The following DOCK6 variants were observed in gnomAD, a reference collection of about 807,000 sequenced individuals.
DOCK6 encodes dedicator of cytokinesis 6.
Under a neutral mutation model 230.3 loss-of-function variants are expected in DOCK6, and 167 were observed. The ratio of observed to expected loss-of-function variants is 0.73; its 90% confidence interval spans 0.64 to 0.82. The LOEUF (loss-of-function observed/expected upper bound fraction) is 0.82, where lower values mean the gene tolerates loss of function less well. DOCK6 is among the 40% of genes least tolerant of loss of function. DOCK6 has a pLI of 0.00. For missense variants in DOCK6, 2,598 were observed against 2,825.8 expected, an observed-to-expected ratio of 0.92 and a Z score of 1.83; for synonymous variants, 1,148 against 1,185.0, an observed-to-expected ratio of 0.97 and a Z score of 0.64.
chr19:11,204,144 G>A, intron 40 of DOCK6, 49 bp from the exon 41 acceptor site: 1 of 286,058 alleles, frequency 3.5e-6, no homozygotes. Context: ...GGGATGAGGA[G>A]TGGGGATGAG....
In DOCK6 at chr19:11,201,856, C is replaced by A; in HGVS notation, c.5688+33G>T. The A allele has an allele frequency of 6.7e-7, 1 of 1,502,272 alleles. No homozygotes were observed. Among genetic ancestry groups the A allele is most frequent in the South Asian group, 1.2e-5 (1 of 82,498 alleles). The allele number at this position is 1,502,272 out of a possible 1,614,324, so 93.1% of individuals were successfully genotyped here. A position where few individuals can be genotyped will look rare whatever the true frequency, so the allele number is the denominator to read the frequency against. ...CCAGGGTCTGATGTCCCCTCACCTC[C>A]CCACCCCCGCCAGGCCCAGGATCCC... is the stretch of plus-strand genomic sequence containing the variant. On this transcript the variant is annotated intron_variant, in intron 44 of 47. Coordinates refer to ENST00000294618, the MANE Select transcript of DOCK6 (RefSeq NM_020812.4). The surrounding 1 kb of genome is among the most constrained non-coding windows in gnomAD (Gnocchi z 4.3).
chr19:11,208,677 A>G lies in DOCK6; in HGVS notation c.5088+9T>C, dbSNP rs976205334. 3 of 1,607,378 alleles carry G rather than the reference A, an allele frequency of 1.9e-6. No individual in the cohort carries two copies. Among genetic ancestry groups the G allele is most frequent in the South Asian group, 1.1e-5 (1 of 90,910 alleles). On this transcript the variant is annotated intron_variant, in intron 39 of 47. Coordinates refer to ENST00000294618, the MANE Select transcript of DOCK6 (RefSeq NM_020812.4). Reference sequence around the variant, plus strand: ...CCCCCTCTCCTGCACCCAGTCCCCAAGGCCTCACCATGGTGAAGTAGCCGG... The same window carrying G: ...CCCCCTCTCCTGCACCCAGTCCCCAGGGCCTCACCATGGTGAAGTAGCCGG...
chr19:11,202,515 A>G lies in DOCK6; in HGVS notation c.5362-32T>C. 1 of 1,613,452 alleles carries G rather than the reference A, an allele frequency of 6.2e-7. No individual in the cohort carries two copies. The highest frequency in any genetic ancestry group is 1.1e-5 in the South Asian group (1 of 91,074). On this transcript the variant is annotated intron_variant, in intron 42 of 47. Transcript: ENST00000294618. This position sits in a 1 kb window ranked among gnomAD's most constrained non-coding sequence, Gnocchi z 5.3. ...ACACAGGGCTGACTCGGGGCCACCC[A>G]GGGACAGCCCCTACTCCAGCCCCAA... is the stretch of plus-strand genomic sequence containing the variant.
At position 11,200,576 on chromosome 19, in the gene DOCK6, G is replaced by GC. The variant is rs1453572478; in HGVS notation, c.5940-108dup. The GC allele has an allele frequency of 2.0e-6, 3 of 1,518,352 alleles. No homozygotes were observed. The highest frequency in any genetic ancestry group is 4.9e-5 in the East Asian group (2 of 41,042). The allele number at this position is 1,518,352 out of a possible 1,614,324, so 94.1% of individuals were successfully genotyped here. A position where few individuals can be genotyped will look rare whatever the true frequency, so the allele number is the denominator to read the frequency against. On this transcript the variant is annotated intron_variant, in intron 46 of 47. Transcript: ENST00000294618. The surrounding 1 kb of genome is among the most constrained non-coding windows in gnomAD (Gnocchi z 4.3). Reference sequence around the variant, plus strand: ...CGGGACCAGGCCTGCAGAAAGACCCGCAATAGGAGGTCAGGTTGGGAGAGT... The same window carrying GC: ...CGGGACCAGGCCTGCAGAAAGACCCGCCAATAGGAGGTCAGGTTGGGAGAGT...
chr19:11,228,911 G>A, intron 23 of DOCK6, 29 bp downstream of exon 23: 1 of 1,610,432 alleles, frequency 6.2e-7, no homozygotes, highest in Non-Finnish European at 8.5e-7. Flanking sequence ...GGGGTCTCTT[G>A]CCACCAGGCA....
At position 11,199,549 on chromosome 19, in the gene DOCK6, G is replaced by A; in HGVS notation, c.6102-10C>T. 6.4e-7 allele frequency: 1 copy of A among 1,573,340 alleles called. No individual in the cohort carries two copies. The highest frequency in any genetic ancestry group is 8.6e-7 in the Non-Finnish European group (1 of 1,159,274). ...TCTGTTCAAGGAGTTCCTGGAAAAA[G>A]AATGAGGGTGGGTCAGCATGGCCAT... is the stretch of plus-strand genomic sequence containing the variant. On this transcript the variant is annotated splice_polypyrimidine_tract_variant and intron_variant, in intron 47 of 47. Coordinates refer to ENST00000294618, the MANE Select transcript of DOCK6 (RefSeq NM_020812.4).
chr19:11,234,174 AT>A (rs2079812067), intron 21 of DOCK6, among the ~76,000 whole-genome samples: 2 of 148,570 alleles, frequency 1.3e-5, no homozygotes, highest in Admixed American at 1.3e-4. Context: ...TAATTTTTGC[AT>A]TTTTAGTAGA....
At chr19:11,204,883 C>T (rs1392505325) in intron 39 of DOCK6, among the ~76,000 whole-genome samples, 1 of 152,154 alleles carries the variant, frequency 6.6e-6, no homozygotes. Context: ...GGCACAGGTA[C>T]GATGTACATC....
In DOCK6 at chr19:11,208,977, G is replaced by C; in HGVS notation, c.4878C>G (p.Leu1626=). 1 of 1,606,528 alleles carries C rather than the reference G, an allele frequency of 6.2e-7. No individual in the cohort carries two copies. Among genetic ancestry groups the C allele is most frequent in the Non-Finnish European group, 8.5e-7 (1 of 1,175,390 alleles). ...AAQCMVHAAA[L]VAEYLALLED... is the part of the protein sequence containing the mutation. ...CGAGCAGGGCGAGGTACTCAGCCAC[G>C]AGGGCGGCCGCGTGCACCATGCACT... The change falls in exon 38 of 48, where the codon CTC becomes CTG. Residue 1626 remains leucine, a synonymous_variant. Transcript: ENST00000294618.
chr19:11,209,647 T>C (rs1600858030), intron 37 of DOCK6, among the ~76,000 whole-genome samples: 1 of 59,886 alleles, frequency 1.7e-5, no homozygotes, highest in Non-Finnish European at 3.8e-5. Context: ...CACCTGTCTA[T>C]CCCCTCACCT....
chr19:11,250,453 T>C (rs140202691), intron 6 of DOCK6, among the ~76,000 whole-genome samples: 2 of 152,024 alleles, frequency 1.3e-5, no homozygotes, highest in African/African-American at 4.8e-5. Flanking sequence ...TAGCTAGGAT[T>C]ACAAGCACCT....
At position 11,237,533 on chromosome 19, in the gene DOCK6, G is replaced by T. The variant is rs370068309; in HGVS notation, c.1996C>A (p.Arg666Ser). ...FTWIPLLQHG[R>S]LRTGPFCLPV... ...AGACAGAAGGGGCCGGTCCTCAGGC[G>T]CCCGTGCTGCAGCAGTGGGATCCAC... The change falls in exon 18 of 48, where the codon CGC becomes AGC. Residue 666 changes from arginine to serine, a missense_variant. By Grantham distance (110) the Arg-to-Ser change is moderately radical. Transcript: ENST00000294618. 2 of 1,608,416 alleles carry T rather than the reference G, an allele frequency of 1.2e-6. No individual in the cohort carries two copies. Among genetic ancestry groups the T allele is most frequent in the Non-Finnish European group, 1.7e-6 (2 of 1,177,666 alleles).
chr19:11,236,674 C>T lies in DOCK6; in HGVS notation c.2161-97G>A. ...TTCCCTTAAAGCTGGGTCCAGCTGA[C>T]CAAAGTCACGTCCAAGGCCTGAGGC... On this transcript the variant is annotated intron_variant, in intron 19 of 47. Coordinates refer to ENST00000294618, the MANE Select transcript of DOCK6 (RefSeq NM_020812.4). The surrounding 1 kb of genome is among the most constrained non-coding windows in gnomAD (Gnocchi z 5.2). 4 of 1,510,916 alleles carry T rather than the reference C, an allele frequency of 2.6e-6. No individual in the cohort carries two copies. In the South Asian group the frequency reaches 4.8e-5, roughly 18 times the overall value. The allele number at this position is 1,510,916 out of a possible 1,614,324, so 93.6% of individuals were successfully genotyped here.
intron 39 of DOCK6, among the ~76,000 whole-genome samples, chr19:11,205,236 G>A (rs924895716): frequency 5.3e-5 from 8 of 151,990 alleles, no homozygotes; most frequent in African/African-American, 1.9e-4. Context: ...TTAATACTTT[G>A]GGGTACATGC....
At chr19:11,214,505 A>G (rs1230444288) in intron 33 of DOCK6, 48 bp downstream of exon 33, 1 of 1,612,982 alleles carries the variant, frequency 6.2e-7, no homozygotes, top group East Asian at 2.2e-5. Context: ...ACCACAGGGC[A>G]CTGCAGTTGG....
intron 31 of DOCK6, 59 bp downstream of exon 31, chr19:11,215,742 T>G: frequency 8.7e-6 from 14 of 1,609,050 alleles, no homozygotes; most frequent in Non-Finnish European, 1.2e-5. Context: ...TGGGGTCCCC[T>G]TGACACAAGG....
Position 11,217,249 on chromosome 19 carries a change from G to A in DOCK6, c.3693C>T (p.Ile1231=), listed in dbSNP as rs1177148788. ...GPLAPGSRAS[I]SQGPPTASRA... Reference sequence around the variant, plus strand: ...TACTCACCGTTGGTGGCCCCTGGGAGATGCTGGCCCGGGAGCCAGGGGCTA... The same window carrying A: ...TACTCACCGTTGGTGGCCCCTGGGAAATGCTGGCCCGGGAGCCAGGGGCTA... The change falls in exon 29 of 48, where the codon ATC becomes ATT. Residue 1231 remains isoleucine (I), a synonymous_variant. Coordinates refer to ENST00000294618, the MANE Select transcript of DOCK6 (RefSeq NM_020812.4). 2 of 1,612,774 alleles carry A rather than the reference G, an allele frequency of 1.2e-6. No individual in the cohort carries two copies. Among genetic ancestry groups the A allele is most frequent in the East Asian group, 4.5e-5 (2 of 44,860 alleles).
rs770422855 is a variant in DOCK6 at position 11,228,933 on chromosome 19, G to C, written c.2814+7C>G. ...CTTGCCACCAGGCAGGGAGGAGGGG[G>C]TCTCACCATGAGCTGGAAGAAGAAC... On this transcript the variant is annotated splice_region_variant and intron_variant, in intron 23 of 47. Transcript: ENST00000294618. The C allele has an allele frequency of 6.2e-7, 1 of 1,613,590 alleles. No individual in the cohort carries two copies. Among genetic ancestry groups the C allele is most frequent in the Non-Finnish European group, 8.5e-7 (1 of 1,179,732 alleles).
At chr19:11,208,029 G>A (rs1321442541) in intron 39 of DOCK6, among the ~76,000 whole-genome samples, 3 of 152,020 alleles carry the variant, frequency 2.0e-5, no homozygotes, top group Non-Finnish European at 4.4e-5. Flanking sequence ...GGCTGAGGTG[G>A]GAGGATTACT....
Sources: gnomAD v4.1 joint callset for allele counts (sites outside exome capture counted in the v4.1 genomes callset) on GRCh38, gnomAD v4.1.1 for gene constraint, Gnocchi (gnomAD v3.1) non-coding constraint, MANE v1.5 for transcripts, NCBI Gene and HGNC (gene_info 2026-07-23, HGNC 2026-07-21) for gene names.